The following CHL1 variants were observed in gnomAD, a reference collection of about 807,000 sequenced individuals.
CHL1 encodes neural cell adhesion molecule L1-like protein.
A neutral mutation model predicts 141.9 loss-of-function variants in CHL1; 96 were observed. That is an observed-to-expected ratio of 0.68 (90% CI 0.57 to 0.80). The LOEUF (loss-of-function observed/expected upper bound fraction) is 0.80. CHL1 is among the 30% of genes least tolerant of loss of function. The probability of loss-of-function intolerance (pLI) is 0.00; values close to 1 mark genes in which losing one functional copy is unlikely to be tolerated. For missense variants in CHL1, 1,820 were observed against 1,457.2 expected, an observed-to-expected ratio of 1.25 and a Z score of -4.05; for synonymous variants, 613 against 502.2, an observed-to-expected ratio of 1.22 and a Z score of -2.95.
At chr3:273,988 G>A (rs1695866216) in intron 2 of CHL1, among the ~76,000 whole-genome samples, 2 of 152,062 alleles carry the variant, frequency 1.3e-5, no homozygotes, top group African/African-American at 4.8e-5. Context: ...GGCCTACAAA[G>A]CCTCAATGAA....
At chr3:206,452 C>T (rs566794313) in intron 1 of CHL1, among the ~76,000 whole-genome samples, 1 of 151,480 alleles carries the variant, frequency 6.6e-6, no homozygotes, top group Admixed American at 6.6e-5. Flanking sequence ...GGTGACAGAG[C>T]GAGACTGTCT....
chr3:331,206 CTTTTTTGTTTGT>C (rs1169642369), intron 5 of CHL1, among the ~76,000 whole-genome samples: 1 of 87,774 alleles, frequency 1.1e-5, no homozygotes, highest in Non-Finnish European at 2.7e-5. Context: ...TCCTTTCTGG[CTTTTTTGTTTGT>C]TTGTTTGTTT....
intron 16 of CHL1, among the ~76,000 whole-genome samples, chr3:378,960 A>C (rs1172602417): frequency 6.6e-6 from 1 of 152,104 alleles, no homozygotes; most frequent in Non-Finnish European, 1.5e-5. Flanking sequence ...TAACAGCTAC[A>C]GACATTTGTT....
intron 5 of CHL1, among the ~76,000 whole-genome samples, chr3:338,198 G>A (rs923806220): frequency 2.0e-5 from 3 of 152,166 alleles, no homozygotes; most frequent in South Asian, 2.1e-4. Context: ...TTTGCAGAGA[G>A]GCCATTCAGG....
intron 2 of CHL1, among the ~76,000 whole-genome samples, chr3:312,205 C>T (rs1302802282): frequency 6.6e-6 from 1 of 151,956 alleles, no homozygotes. Context: ...TGACATTTTC[C>T]CAATAAAATC....
chr3:320,205 A>G (rs1310391581), intron 3 of CHL1, among the ~76,000 whole-genome samples: 1 of 152,104 alleles, frequency 6.6e-6, no homozygotes, highest in African/African-American at 2.4e-5. Context: ...TTAGTTAATC[A>G]AGATTCAGAA....
chr3:266,700 CA>C (rs1314220148), intron 2 of CHL1, among the ~76,000 whole-genome samples: 3 of 152,144 alleles, frequency 2.0e-5, no homozygotes, highest in African/African-American at 7.2e-5. Flanking sequence ...AAAGCAAGAG[CA>C]AATGGCATTG....
chr3:290,857 A>T (rs986486570), intron 2 of CHL1, among the ~76,000 whole-genome samples: 1 of 150,616 alleles, frequency 6.6e-6, no homozygotes, highest in Non-Finnish European at 1.5e-5. Context: ...AATTGCTTGA[A>T]CCCGGGAGAC....
chr3:259,703 A>G (rs1011321602), intron 2 of CHL1, among the ~76,000 whole-genome samples: 3 of 152,018 alleles, frequency 2.0e-5, no homozygotes, highest in Non-Finnish European at 2.9e-5. Flanking sequence ...TCATGAAAGG[A>G]GGTACTTTGT....
chr3:281,876 A>G (rs1267387662), intron 2 of CHL1, among the ~76,000 whole-genome samples: 1 of 151,792 alleles, frequency 6.6e-6, no homozygotes, highest in Admixed American at 6.6e-5. Context: ...TTTTTCCTAT[A>G]TTTTTGCTTT....
At chr3:285,605 A>G (rs1443800479) in intron 2 of CHL1, among the ~76,000 whole-genome samples, 3 of 152,238 alleles carry the variant, frequency 2.0e-5, no homozygotes, top group African/African-American at 7.2e-5. Context: ...ACTCTCAGGC[A>G]AACTACGTAG....
intron 2 of CHL1, among the ~76,000 whole-genome samples, chr3:299,865 T>C (rs937814092): frequency 2.0e-5 from 3 of 152,186 alleles, no homozygotes; most frequent in Admixed American, 2.0e-4. Context: ...GTGAGATTGC[T>C]TTGGAAATAC....
chr3:350,967 G>C (rs965034707), intron 10 of CHL1, among the ~76,000 whole-genome samples: 1 of 150,242 alleles, frequency 6.7e-6, no homozygotes, highest in Non-Finnish European at 1.5e-5. Flanking sequence ...TCGTGCAACA[G>C]GGGTATTTTT....
intron 1 of CHL1, among the ~76,000 whole-genome samples, chr3:206,916 A>T (rs1464768122): frequency 2.0e-5 from 3 of 152,216 alleles, no homozygotes; most frequent in Non-Finnish European, 4.4e-5. Context: ...TGGCATTTCC[A>T]CAAAGGTGTG....
At chr3:281,724 T>C (rs1258858134) in intron 2 of CHL1, among the ~76,000 whole-genome samples, 1 of 152,048 alleles carries the variant, frequency 6.6e-6, no homozygotes, top group African/African-American at 2.4e-5. Context: ...CATGACTGGC[T>C]AATTTTTGTA....
intron 15 of CHL1, chr3:373,834 GGGAA>G (rs1705956991): frequency 6.6e-6 from 1 of 152,316 alleles, no homozygotes; most frequent in Non-Finnish European, 1.5e-5. Flanking sequence ...CTTGGCTGGG[GGGAA>G]GGGTCTCCCC....
chr3:295,814 T>C (rs575836747), intron 2 of CHL1, among the ~76,000 whole-genome samples: 3 of 152,302 alleles, frequency 2.0e-5, no homozygotes, highest in Non-Finnish European at 2.9e-5. Context: ...AGTTAACAAA[T>C]GCTGGACAGC....
intron 24 of CHL1, 86 bp downstream of exon 24, chr3:394,958 G>A (rs541121474): frequency 1.5e-5 from 17 of 1,106,704 alleles, no homozygotes; most frequent in East Asian, 2.6e-5. Flanking sequence ...GGAAAGCACC[G>A]TGCCAGTCAT....
chr3:326,922 A>C lies in CHL1; in HGVS notation c.197+858A>C, dbSNP rs150232778. Among the ~76,000 whole-genome samples, 351 of 152,044 alleles carry C rather than the reference A, an allele frequency of 2.3e-3. 2 individuals are homozygous for C. The highest frequency in any genetic ancestry group is 7.8e-3 in the African/African-American group (325 of 41,546). Reference sequence around the variant, plus strand: ...GTGACCCATTAACATGCTAAATTATAATTATTTCTATGTTTAACCAAATGG... The same window carrying C: ...GTGACCCATTAACATGCTAAATTATCATTATTTCTATGTTTAACCAAATGG... On this transcript the variant is annotated intron_variant, in intron 4 of 27. Transcript: ENST00000256509.
Sources: allele counts gnomAD v4.1 joint callset (sites outside exome capture counted in the v4.1 genomes callset), GRCh38; gene constraint gnomAD v4.1.1; transcripts MANE v1.5; gene names NCBI Gene and HGNC (gene_info 2026-07-23, HGNC 2026-07-21).